The following TIAM1 variants were observed in gnomAD, a reference collection of about 807,000 sequenced individuals.
TIAM1 encodes rho guanine nucleotide exchange factor TIAM1.
A neutral mutation model predicts 163.5 loss-of-function variants in TIAM1; 65 were observed. The ratio of observed to expected loss-of-function variants is 0.40; its 90% CI spans 0.33 to 0.49. The LOEUF is 0.49. Among genes scored for constraint, TIAM1 ranks in the 20% least tolerant of loss-of-function variants. The probability of loss-of-function intolerance (pLI) is 0.77; values close to 1 mark genes in which losing one functional copy is unlikely to be tolerated. For missense variants in TIAM1, 1,789 were observed against 2,044.7 expected (o/e 0.87, Z 2.41); for synonymous variants, 833 against 810.1 (o/e 1.03, Z -0.48).
At position 31,243,275 on chromosome 21, in the gene TIAM1, T is replaced by C. The variant is rs1035056672; in HGVS notation, c.1584+2213A>G. Among the ~76,000 whole-genome samples the C allele has an allele frequency of 4.6e-5, 6 of 131,374 alleles. No individual in the cohort carries two copies. The East Asian group carries it at 1.3e-3, about 29-fold the overall frequency. The allele number at this position is 131,374 out of a possible 152,430, so 86.2% of individuals were successfully genotyped here. A position where few individuals can be genotyped will look rare whatever the true frequency, so the allele number is the denominator to read the frequency against. ...TTATATATATATAAATATAAAAAAATAAAAATAACCAGAAGAGCTCAACAG... is the reference window on the plus strand; with the variant it reads ...TTATATATATATAAATATAAAAAAACAAAAATAACCAGAAGAGCTCAACAG... On this transcript the variant is annotated intron_variant, in intron 6 of 27. Coordinates refer to ENST00000541036, the MANE Select transcript of TIAM1 (RefSeq NM_001353694.2).
chr21:31,302,678 A>AT (rs1386459325), intron 2 of TIAM1, among the ~76,000 whole-genome samples: 3 of 152,022 alleles, frequency 2.0e-5, no homozygotes, highest in Non-Finnish European at 4.4e-5. Context: ...CATCTAAGAG[A>AT]TTTTCTTTTC....
chr21:31,264,372 A>G (rs996998015), intron 4 of TIAM1, among the ~76,000 whole-genome samples: 6 of 152,168 alleles, frequency 3.9e-5, no homozygotes, highest in Non-Finnish European at 5.9e-5. Flanking sequence ...TCCTCAACCC[A>G]TATGCCTCCA....
chr21:31,376,120 T>C (rs2076682740), intron 2 of TIAM1, among the ~76,000 whole-genome samples: 1 of 152,216 alleles, frequency 6.6e-6, no homozygotes, highest in South Asian at 2.1e-4. Context: ...TCGTAAACGA[T>C]ACTGCCACAT....
chr21:31,343,731 G>A lies in TIAM1; in HGVS notation c.-369+407C>T, dbSNP rs2076086707. 3.9e-5 allele frequency among the ~76,000 whole-genome samples: 6 copies of A among 152,094 alleles called. No homozygotes were observed. In the South Asian group the frequency reaches 1.2e-3, roughly 31 times the overall value. ...TGGCACTGACCTGCAATTACCCAAC[G>A]AGCAGCGGGACAGCCCCGGGCAGGA... On this transcript the variant is annotated intron_variant, in intron 1 of 27. Coordinates refer to ENST00000541036, the MANE Select transcript of TIAM1 (RefSeq NM_001353694.2).
intron 1 of TIAM1, among the ~76,000 whole-genome samples, chr21:31,535,904 G>A (rs978913070): frequency 7.2e-5 from 11 of 152,194 alleles, no homozygotes; most frequent in African/African-American, 2.7e-4. Flanking sequence ...GCCAGGGACA[G>A]GGATGACAAA....
intron 6 of TIAM1, among the ~76,000 whole-genome samples, chr21:31,241,031 G>A (rs144782434): frequency 1.5e-3 from 229 of 152,268 alleles, no homozygotes; most frequent in African/African-American, 5.3e-3. Flanking sequence ...TTATAAAGGG[G>A]AGTTCCCCTG....
intron 15 of TIAM1, among the ~76,000 whole-genome samples, chr21:31,169,669 A>T (rs988519058): frequency 1.3e-5 from 2 of 152,280 alleles, no homozygotes; most frequent in East Asian, 1.9e-4. Flanking sequence ...AAAGAAAAAG[A>T]TCTGGTATAC....
At chr21:31,463,046 G>A (rs1056531494) in intron 2 of TIAM1, among the ~76,000 whole-genome samples, 2 of 152,012 alleles carry the variant, frequency 1.3e-5, no homozygotes, top group African/African-American at 4.8e-5. Flanking sequence ...CGCCCAGCCA[G>A]CCTGCCTCTT....
chr21:31,276,444 G>A (rs1217740891), intron 3 of TIAM1, among the ~76,000 whole-genome samples: 7 of 152,004 alleles, frequency 4.6e-5, no homozygotes, highest in Non-Finnish European at 8.8e-5. Context: ...AACATAATCC[G>A]ATATAAAGAT....
intron 14 of TIAM1, among the ~76,000 whole-genome samples, chr21:31,185,411 T>C (rs1019807188): frequency 2.6e-4 from 36 of 137,014 alleles, no homozygotes; most frequent in African/African-American, 1.1e-3. Context: ...TATATAATTA[T>C]ATATAATTAT....
intron 2 of TIAM1, among the ~76,000 whole-genome samples, chr21:31,391,081 C>T (rs1442003871): frequency 6.6e-6 from 1 of 152,036 alleles, no homozygotes; most frequent in Non-Finnish European, 1.5e-5. Flanking sequence ...TTAGTTCTGA[C>T]CTGGCAAGGT....
intron 14 of TIAM1, among the ~76,000 whole-genome samples, chr21:31,183,843 C>T (rs1192331482): frequency 6.6e-6 from 1 of 151,708 alleles, no homozygotes; most frequent in East Asian, 1.9e-4. Flanking sequence ...TACAGGCACT[C>T]ACCACCACGC....
At chr21:31,148,090 T>C (rs1568919698) in intron 19 of TIAM1, among the ~76,000 whole-genome samples, 1 of 150,616 alleles carries the variant, frequency 6.6e-6, no homozygotes, top group Non-Finnish European at 1.5e-5. Flanking sequence ...TTACGTGTTC[T>C]CCTTTTCCTC....
At position 31,141,284 on chromosome 21, in the gene TIAM1, T is replaced by A; in HGVS notation, c.3655+41A>T. On this transcript the variant is annotated intron_variant, in intron 21 of 27. Transcript: ENST00000541036. This position sits in a 1 kb window ranked among gnomAD's most constrained non-coding sequence, Gnocchi z 4.7. The stretch of plus-strand genomic sequence containing the variant: ...ATGAGAGGCTATTTAGAGACCCTCA[T>A]GGAGACTCAGGCCTGCCGGGGGTCC... The A allele has an allele frequency of 6.2e-7, 1 of 1,613,834 alleles. No homozygotes were observed. The highest frequency in any genetic ancestry group is 8.5e-7 in the Non-Finnish European group (1 of 1,179,794).
intron 1 of TIAM1, among the ~76,000 whole-genome samples, chr21:31,493,816 A>G (rs2833431): frequency 0.29 from 44,008 of 152,024 alleles, 7,552 homozygotes; most frequent in African/African-American, 0.48. Flanking sequence ...GAAGTAGGGA[A>G]TGTATAACCA....
chr21:31,337,518 G>GCTATTATTATTATTATTA (rs2075879811), intron 2 of TIAM1, among the ~76,000 whole-genome samples: 1 of 147,258 alleles, frequency 6.8e-6, no homozygotes, highest in African/African-American at 2.5e-5. Context: ...TATTATTGTT[G>GCTATTATTATTATTATTA]TTATTATTAT....
intron 2 of TIAM1, among the ~76,000 whole-genome samples, chr21:31,304,613 A>C (rs1375571347): frequency 2.0e-5 from 3 of 152,220 alleles, no homozygotes; most frequent in Admixed American, 2.0e-4. Context: ...AAATTCAATA[A>C]GACAAAAAGA....
At chr21:31,222,514 G>A (rs1056142088) in intron 8 of TIAM1, among the ~76,000 whole-genome samples, 2 of 151,628 alleles carry the variant, frequency 1.3e-5, no homozygotes, top group Non-Finnish European at 2.9e-5. Context: ...TTCAGCTGGC[G>A]AATCACAGAG....
chr21:31,423,474 T>C (rs1685412886), intron 2 of TIAM1, among the ~76,000 whole-genome samples: 1 of 151,962 alleles, frequency 6.6e-6, no homozygotes, highest in Non-Finnish European at 1.5e-5. Flanking sequence ...ATTATACACA[T>C]TCAGAGAATC....
Sources: allele counts gnomAD v4.1 joint callset (sites outside exome capture counted in the v4.1 genomes callset), GRCh38; gene constraint gnomAD v4.1.1; non-coding constraint Gnocchi (gnomAD v3.1); transcripts MANE v1.5; gene names NCBI Gene and HGNC (gene_info 2026-07-23, HGNC 2026-07-21).